Variants in SLC5A10 observed in about 807,000 individuals in gnomAD.
SLC5A10 encodes solute carrier family 5 member 10.
In SLC5A10, 55 loss-of-function variants were observed where a neutral mutation model predicts 68.9. The observed-to-expected ratio is 0.80, with a 90% confidence interval of 0.64 to 1.00. The LOEUF (loss-of-function observed/expected upper bound fraction) is 1.00, where lower values mean the gene tolerates loss of function less well. Among genes scored for constraint, SLC5A10 ranks in the 50% least tolerant of loss-of-function variants. The pLI is 0.00. For synonymous variants in SLC5A10, 344 were observed against 344.8 expected (o/e 1.00, Z 0.02); for missense variants, 732 against 819.3 (o/e 0.89, Z 1.30).
In SLC5A10 at chr17:18,971,268, G is replaced by A. The variant is rs778146294; in HGVS notation, c.846+50G>A. The A allele has an allele frequency of 3.1e-6, 5 of 1,611,634 alleles. No homozygotes were observed. Among genetic ancestry groups the A allele is most frequent in the East Asian group, 2.2e-5 (1 of 44,826 alleles). ...TCCCACCTTCCTGCCGTCCCAGTGG[G>A]CTCTGGTAGGCCCAGGCGGCCTGTC... is the stretch of plus-strand genomic sequence containing the variant. On this transcript the variant is annotated intron_variant, in intron 8 of 14. Transcript: ENST00000395645. The surrounding 1 kb of genome is among the most constrained non-coding windows in gnomAD (Gnocchi z 5.5).
intron 8 of SLC5A10, 128 bp from the exon 9 acceptor site, chr17:18,976,726 T>C (rs560493309): frequency 2.4e-6 from 3 of 1,274,648 alleles, no homozygotes; most frequent in African/African-American, 1.5e-5. Context: ...TGTGGCTGTT[T>C]TGGGCAGGTC....
At chr17:18,974,488 G>T (rs2042932406) in intron 8 of SLC5A10, among the ~76,000 whole-genome samples, 1 of 152,242 alleles carries the variant, frequency 6.6e-6, no homozygotes, top group African/African-American at 2.4e-5. Context: ...ACAGGGCAGT[G>T]CACAGACCAG....
intron 1 of SLC5A10, chr17:18,953,620 T>G (rs887018004): frequency 7.1e-6 from 1 of 139,924 alleles, no homozygotes; most frequent in African/African-American, 2.7e-5. Flanking sequence ...CTGCCATTGG[T>G]TCTACAGTGG....
At chr17:18,972,867 T>TAAA (rs35947526) in intron 8 of SLC5A10, among the ~76,000 whole-genome samples, 4 of 137,818 alleles carry the variant, frequency 2.9e-5, no homozygotes, top group African/African-American at 8.2e-5. Flanking sequence ...AGACTCCGTC[T>TAAA]AAAAAAAAAA....
At chr17:18,978,136 G>T in intron 9 of SLC5A10, 1 of 1,520,886 alleles carries the variant, frequency 6.6e-7, no homozygotes, top group South Asian at 1.3e-5. Flanking sequence ...CTGCCACAGG[G>T]ACTGTCCGGG....
In SLC5A10 at chr17:19,003,723, C is replaced by G; in HGVS notation, c.983-9687C>G. ...GGCAGCGGCTCGGCCTCGATGGGGACCCCATCCGCCCCGCTGGCTTCCTCG... is the reference window on the plus strand; with the variant it reads ...GGCAGCGGCTCGGCCTCGATGGGGAGCCCATCCGCCCCGCTGGCTTCCTCG... On this transcript the variant is annotated intron_variant, in intron 9 of 14. Transcript: ENST00000395645. The surrounding 1 kb of genome is among the most constrained non-coding windows in gnomAD (Gnocchi z 4.5). The G allele has an allele frequency of 1.2e-6, 2 of 1,603,702 alleles. No homozygotes were observed. Among genetic ancestry groups the G allele is most frequent in the Non-Finnish European group, 1.7e-6 (2 of 1,174,922 alleles).
In SLC5A10 at chr17:19,021,980, G is replaced by C; in HGVS notation, c.*1549G>C. 1 of 1,576,402 alleles carries C rather than the reference G, an allele frequency of 6.3e-7. No individual in the cohort carries two copies. Among genetic ancestry groups the C allele is most frequent in the Non-Finnish European group, 8.6e-7 (1 of 1,162,714 alleles). On this transcript the variant is annotated 3_prime_UTR_variant, in exon 15 of 15. Coordinates refer to ENST00000395645, the MANE Select transcript of SLC5A10 (RefSeq NM_001042450.4). This position sits in a 1 kb window ranked among gnomAD's most constrained non-coding sequence, Gnocchi z 4.1. ...CTGCTCACAGGTGCACGGGCTGCAC[G>C]TAACTCCGTGGGAAGAAGCCAACGC...
intron 9 of SLC5A10, chr17:18,978,432 G>A (rs1329078347): frequency 1.3e-6 from 2 of 1,598,950 alleles, no homozygotes; most frequent in Non-Finnish European, 1.7e-6. Context: ...ACCCACGTGG[G>A]CAGGTACTCA....
intron 9 of SLC5A10, among the ~76,000 whole-genome samples, chr17:19,010,728 T>C (rs550300901): frequency 1.1e-4 from 17 of 152,318 alleles, no homozygotes; most frequent in African/African-American, 3.6e-4. Context: ...TCAGCCTGCC[T>C]AGGTTCAGAG....
chr17:18,960,631 GTC>G lies in SLC5A10; in HGVS notation c.434_435del (p.Ser145CysfsTer71). 1 of 1,613,980 alleles carries G rather than the reference GTC, an allele frequency of 6.2e-7. No individual in the cohort carries two copies. The highest frequency in any genetic ancestry group is 8.5e-7 in the Non-Finnish European group (1 of 1,179,868). On this transcript the variant is annotated frameshift_variant, in exon 5 of 15. Transcript: ENST00000395645. LOFTEE classifies it high-confidence loss of function. ...MYLSVLSLLL[S>X]VFTKISLDLY... is the part of the protein sequence containing the mutation. ...ACCTGTCTGTCCTGTCCCTGCTACT[GTC>G]TGTCTTCACCAAGATATCGGTGAGC... is the stretch of plus-strand genomic sequence containing the variant.
chr17:18,960,858 G>A (rs1288640122), intron 5 of SLC5A10, among the ~76,000 whole-genome samples: 1 of 152,196 alleles, frequency 6.6e-6, no homozygotes, highest in Non-Finnish European at 1.5e-5. Context: ...AGGCTCAGCA[G>A]CCAGCCCTAG....
rs750193850 is a variant in SLC5A10 at position 18,969,103 on chromosome 17, T to G, written c.505T>G (p.Phe169Val). The G allele has an allele frequency of 6.2e-7, 1 of 1,614,112 alleles. No homozygotes were observed. Among genetic ancestry groups the G allele is most frequent in the Non-Finnish European group, 8.5e-7 (1 of 1,179,986 alleles). The change falls in exon 6 of 15, where the codon TTC becomes GTC. Residue 169 changes from phenylalanine (F) to valine (V), a missense_variant. Transcript: ENST00000395645. Reference sequence around the variant, plus strand: ...TGTGCACATCTGCCTGGGCTGGAACTTCTACCTCTCCACCATCCTCACGCT... The same window carrying G: ...TGTGCACATCTGCCTGGGCTGGAACGTCTACCTCTCCACCATCCTCACGCT... ...LFVHICLGWNFYLSTILTLGI... is the reference protein window; with the variant it reads ...LFVHICLGWNVYLSTILTLGI...
At chr17:18,979,304 G>C in intron 9 of SLC5A10, 1 of 554,178 alleles carries the variant, frequency 1.8e-6, no homozygotes. Flanking sequence ...GCGAAGGCAC[G>C]GCCTGGCCAC....
At chr17:18,978,563 T>C (rs755377653) in intron 9 of SLC5A10, 1 of 1,613,322 alleles carries the variant, frequency 6.2e-7, no homozygotes. Flanking sequence ...CTTGGCCTCC[T>C]GCTTCTCAGA....
rs1311594037 is a variant in SLC5A10, at chr17:18,996,971, A to C, written c.983-16439A>C. ...CGGGTCACTTCCCACTCTAAGCCTC[A>C]GCTTCTCTTCTTGGTAACATGGGGA... is the stretch of plus-strand genomic sequence containing the variant. On this transcript the variant is annotated intron_variant, in intron 9 of 14. Transcript: ENST00000395645. The surrounding 1 kb of genome is among the most constrained non-coding windows in gnomAD (Gnocchi z 4.4). 2.0e-5 allele frequency among the ~76,000 whole-genome samples: 3 copies of C among 152,214 alleles called. No homozygotes were observed. The highest frequency in any genetic ancestry group is 7.2e-5 in the African/African-American group (3 of 41,466).
In SLC5A10 at chr17:19,013,530, G is replaced by T; in HGVS notation, c.1090+13G>T. ...CTGATGCCCATCGGTGAGGCTGTGTGGGTGGGGGTCTGGGTGGAGGGCGTG... is the reference window on the plus strand; with the variant it reads ...CTGATGCCCATCGGTGAGGCTGTGTTGGTGGGGGTCTGGGTGGAGGGCGTG... On this transcript the variant is annotated intron_variant, in intron 10 of 14. Transcript: ENST00000395645. 6.9e-7 allele frequency: 1 copy of T among 1,456,932 alleles called. No homozygotes were observed. The highest frequency in any genetic ancestry group is 1.2e-5 in the South Asian group (1 of 84,890). 90.3% of individuals were successfully genotyped at this position (1,456,932 alleles called of 1,614,324 possible). A position where few individuals can be genotyped will look rare whatever the true frequency, so the allele number is the denominator to read the frequency against.
chr17:18,977,348 T>C (rs2469860), intron 9 of SLC5A10: 352,145 of 583,146 alleles, frequency 0.6, 107,432 homozygotes, highest in East Asian at 0.74. Context: ...ACGTGCATTT[T>C]CTTAGGTTGC....
Position 18,977,673 on chromosome 17 carries a change from C to T in SLC5A10, c.982+684C>T, listed in dbSNP as rs75425060. Reference sequence around the variant, plus strand: ...CCCCGACTCTGGGCCCATGGGGAGCCACCCTGGGGTCCAACAAAGGTCCCT... The same window carrying T: ...CCCCGACTCTGGGCCCATGGGGAGCTACCCTGGGGTCCAACAAAGGTCCCT... On this transcript the variant is annotated intron_variant, in intron 9 of 14. Coordinates refer to ENST00000395645, the MANE Select transcript of SLC5A10 (RefSeq NM_001042450.4). 7.8e-4 allele frequency: 1,255 copies of T among 1,610,520 alleles called. 22 individuals are homozygous for T. In the East Asian group the frequency reaches 0.022, roughly 28 times the overall value.
At chr17:18,978,464 T>G in intron 9 of SLC5A10, 1 of 1,609,714 alleles carries the variant, frequency 6.2e-7, no homozygotes, top group Non-Finnish European at 8.5e-7. Context: ...CCTCTCCAGG[T>G]GAAGCAGTCC....
Sources: gnomAD v4.1 joint callset for allele counts (sites outside exome capture counted in the v4.1 genomes callset) on GRCh38, gnomAD v4.1.1 for gene constraint, Gnocchi (gnomAD v3.1) non-coding constraint, MANE v1.5 for transcripts, NCBI Gene and HGNC (gene_info 2026-07-23, HGNC 2026-07-21) for gene names.